The following PNLIPRP1 variants were observed in gnomAD, a reference collection of about 807,000 sequenced individuals.
PNLIPRP1 encodes pancreatic lipase related protein 1.
PNLIPRP1 carries 57 observed loss-of-function variants against 54.6 expected under a neutral mutation model. The observed-to-expected ratio is 1.04, with a 90% confidence interval of 0.84 to 1.30. PNLIPRP1 has a LOEUF of 1.30. Among genes scored for constraint, PNLIPRP1 ranks in the 50% most tolerant of loss-of-function variants. PNLIPRP1 has a pLI of 0.00. For synonymous variants in PNLIPRP1, 232 were observed against 208.8 expected, an observed-to-expected ratio of 1.11 and a Z score of -0.96; for missense variants, 567 against 568.5, an observed-to-expected ratio of 1.00 and a Z score of 0.03.
At chr10:116,601,254 T>C in intron 10 of PNLIPRP1, 53 bp downstream of exon 10, 1 of 1,525,472 alleles carries the variant, frequency 6.6e-7, no homozygotes, top group Non-Finnish European at 8.9e-7. Flanking sequence ...TAGTTTCTGT[T>C]ACAAATGAGG....
chr10:116,604,625 TCTG>T (rs1249521102), intron 11 of PNLIPRP1, among the ~76,000 whole-genome samples: 5 of 152,084 alleles, frequency 3.3e-5, no homozygotes, highest in African/African-American at 1.2e-4. Context: ...ATTGCAGACT[TCTG>T]CTAATAATTT....
chr10:116,601,087 T>C lies in PNLIPRP1; in HGVS notation c.949T>C (p.Cys317Arg). 1 of 1,613,224 alleles carries C rather than the reference T, an allele frequency of 6.2e-7. No homozygotes were observed. The highest frequency in any genetic ancestry group is 1.3e-5 in the African/African-American group (1 of 74,998). Residue 317 changes from cysteine (C) to arginine (R), a missense_variant, in exon 10 of 13, where the codon TGT (cysteine) becomes CGT (arginine). By Grantham distance (180) the Cys-to-Arg change is radical. Transcript: ENST00000358834. Reference protein sequence around the residue: ...KSFESDKCFPCPDQGCPQMGH... With the variant: ...KSFESDKCFPRPDQGCPQMGH... ...TTCTCATTAGGACAAGTGCTTCCCG[T>C]GTCCAGATCAAGGATGCCCACAGAT...
chr10:116,591,277 C>A (rs1449323596), intron 2 of PNLIPRP1, 99 bp downstream of exon 2: 1 of 880,612 alleles, frequency 1.1e-6, no homozygotes, highest in African/African-American at 1.6e-5. Context: ...CCAGCAGCTC[C>A]AGGGTACCAG....
chr10:116,604,014 T>G lies in PNLIPRP1; in HGVS notation c.1064-16T>G. The G allele has an allele frequency of 6.5e-7, 1 of 1,532,438 alleles. No individual in the cohort carries two copies. The highest frequency in any genetic ancestry group is 9.0e-7 in the Non-Finnish European group (1 of 1,109,156). 94.9% of individuals were successfully genotyped at this position (1,532,438 alleles called of 1,614,324 possible). A position where few individuals can be genotyped will look rare whatever the true frequency, so the allele number is the denominator to read the frequency against. Reference sequence around the variant, plus strand: ...TTTGTGTGTGAATAAATTGAACTCTTCCATCTCCTGTGCAGGCTGGAGATA... The same window carrying G: ...TTTGTGTGTGAATAAATTGAACTCTGCCATCTCCTGTGCAGGCTGGAGATA... On this transcript the variant is annotated splice_polypyrimidine_tract_variant and intron_variant, in intron 10 of 12. Coordinates refer to ENST00000358834, the MANE Select transcript of PNLIPRP1 (RefSeq NM_006229.4).
chr10:116,606,367 G>A (rs1056100717), intron 12 of PNLIPRP1, among the ~76,000 whole-genome samples: 3 of 152,186 alleles, frequency 2.0e-5, no homozygotes, highest in Admixed American at 6.5e-5. Context: ...GAGGCAAGGA[G>A]AACAAAGAGG....
chr10:116,591,787 T>C lies in PNLIPRP1; in HGVS notation c.66T>C (p.Tyr22=), dbSNP rs1847641975. Residue 22 remains tyrosine, a synonymous_variant, in exon 3 of 13, where the codon TAT becomes TAC. Coordinates refer to ENST00000358834, the MANE Select transcript of PNLIPRP1 (RefSeq NM_006229.4). ...TCTCTGTAGGAAAAGAAGTTTGCTATGAGGACCTCGGGTGCTTTTCTGACA... is the reference window on the plus strand; with the variant it reads ...TCTCTGTAGGAAAAGAAGTTTGCTACGAGGACCTCGGGTGCTTTTCTGACA... ...LGAAKGKEVC[Y]EDLGCFSDTE... 1 of 1,614,068 alleles carries C rather than the reference T, an allele frequency of 6.2e-7. No individual in the cohort carries two copies. The highest frequency in any genetic ancestry group is 8.5e-7 in the Non-Finnish European group (1 of 1,180,038).
In PNLIPRP1 at chr10:116,600,033, A is replaced by G; in HGVS notation, c.815-14A>G. On this transcript the variant is annotated splice_polypyrimidine_tract_variant and intron_variant, in intron 8 of 12. Coordinates refer to ENST00000358834, the MANE Select transcript of PNLIPRP1 (RefSeq NM_006229.4). ...CCCAACCACCTGTTCAGGTCTCCTT[A>G]TTTGTTTTCCCAGGAACCCGGGACT... 6.3e-7 allele frequency: 1 copy of G among 1,582,626 alleles called. No individual in the cohort carries two copies. Among genetic ancestry groups the G allele is most frequent in the Non-Finnish European group, 8.7e-7 (1 of 1,151,434 alleles).
rs782107666 is a variant in PNLIPRP1, at chr10:116,600,117, C to T, written c.885C>T (p.Pro295=). 23 of 1,613,764 alleles carry T rather than the reference C, an allele frequency of 1.4e-5. 1 individual carries two copies. The highest frequency in any genetic ancestry group is 3.3e-5 in the South Asian group (3 of 91,066). Residue 295 remains proline, a synonymous_variant, in exon 9 of 13, where the codon CCC becomes CCT. Transcript: ENST00000358834. The part of the protein sequence containing the change: ...YKYYLESILN[P]DGFAAYPCTS... ...ATTACTTGGAAAGCATCCTCAATCC[C>T]GATGGGTTTGCTGCATATCCCTGCA...
chr10:116,609,022 A>C, intron 12 of PNLIPRP1, 31 bp from the exon 13 acceptor site: 1 of 1,567,866 alleles, frequency 6.4e-7, no homozygotes, highest in Non-Finnish European at 8.8e-7. Context: ...AAGGTGACCC[A>C]AACTCTTACA....
chr10:116,606,306 A>G (rs1847936578), intron 12 of PNLIPRP1, among the ~76,000 whole-genome samples: 1 of 152,252 alleles, frequency 6.6e-6, no homozygotes, highest in South Asian at 2.1e-4. Context: ...CTGACTCCAC[A>G]TCTGGGTCTC....
intron 4 of PNLIPRP1, 175 bp downstream of exon 4, chr10:116,592,716 C>T: frequency 1.3e-6 from 1 of 762,324 alleles, no homozygotes; most frequent in Non-Finnish European, 2.2e-6. Context: ...CATCTGCACA[C>T]TGAAGCAACC....
rs781957848 is a variant in PNLIPRP1, at chr10:116,609,106, C to G, written c.1394C>G (p.Thr465Arg). ...CGGGAAGACACGCTGCTCACCCTCA[C>G]GCCCTGCTAAGCTCCCGGGGCGACG... ...TVREDTLLTLTPC is the reference protein window; with the variant it reads ...TVREDTLLTLRPC The change falls in exon 13 of 13, where the codon ACG becomes AGG. Residue 465 changes from threonine to arginine, a missense_variant. Transcript: ENST00000358834. The G allele has an allele frequency of 1.2e-6, 2 of 1,610,774 alleles. No homozygotes were observed. The highest frequency in any genetic ancestry group is 2.2e-5 in the East Asian group (1 of 44,834).
At position 116,594,761 on chromosome 10, in the gene PNLIPRP1, T is replaced by A. The variant is rs888744752; in HGVS notation, c.362T>A (p.Ile121Asn). Residue 121 changes from isoleucine to asparagine, a missense_variant, in exon 5 of 13, where the codon ATC (isoleucine) becomes AAC (asparagine). Physicochemically the swap from Ile to Asn is moderately radical, Grantham distance 149 (BLOSUM62 -3). Coordinates refer to ENST00000358834, the MANE Select transcript of PNLIPRP1 (RefSeq NM_006229.4). Reference protein sequence around the residue: ...KLFEVEEVNCICVDWKKGSQA... With the variant: ...KLFEVEEVNCNCVDWKKGSQA... ...TTCGAGGTGGAGGAGGTGAACTGCA[T>A]CTGCGTGGACTGGAAGAAGGGCTCC... The A allele has an allele frequency of 6.2e-6, 10 of 1,614,022 alleles. No homozygotes were observed. In the Admixed American group the frequency reaches 6.7e-5, roughly 11 times the overall value.
intron 3 of PNLIPRP1, 154 bp from the exon 4 acceptor site, chr10:116,592,262 G>A (rs1182015378): frequency 2.5e-6 from 2 of 809,474 alleles, no homozygotes; most frequent in East Asian, 2.6e-5. Flanking sequence ...GAGAGATGGG[G>A]CAAGAAAAGG....
intron 2 of PNLIPRP1, among the ~76,000 whole-genome samples, chr10:116,591,443 C>T (rs1847634255): frequency 6.6e-6 from 1 of 152,214 alleles, no homozygotes; most frequent in South Asian, 2.1e-4. Context: ...CCTGAGTTAA[C>T]ATATTGACTT....
At position 116,594,821 on chromosome 10, in the gene PNLIPRP1, G is replaced by C. The variant is rs1554863726; in HGVS notation, c.422G>C (p.Arg141Pro). Reference protein sequence around the residue: ...ATYTQAANNVRVVGAQVAQML... With the variant: ...ATYTQAANNVPVVGAQVAQML... ...TACACACAGGCTGCCAACAACGTGC[G>C]AGTGGTGGGCGCCCAGGTGGCCCAG... The change falls in exon 5 of 13, where the codon CGA becomes CCA. Residue 141 changes from arginine (R) to proline (P), a missense_variant. By Grantham distance (103) the Arg-to-Pro change is moderately radical. Transcript: ENST00000358834. 5 of 1,614,150 alleles carry C rather than the reference G, an allele frequency of 3.1e-6. No individual in the cohort carries two copies. In the East Asian group the frequency reaches 8.9e-5, roughly 29 times the overall value.
At chr10:116,591,654 T>G in intron 2 of PNLIPRP1, 117 bp from the exon 3 acceptor site, 1 of 1,025,526 alleles carries the variant, frequency 9.8e-7, no homozygotes. Flanking sequence ...TGCAGTAGGT[T>G]CATCCATTGT....
intron 12 of PNLIPRP1, among the ~76,000 whole-genome samples, chr10:116,607,556 TG>T (rs1344537237): frequency 1.3e-5 from 2 of 151,920 alleles, no homozygotes; most frequent in Non-Finnish European, 1.5e-5. Context: ...CAGGTCCAAG[TG>T]CATGAGGGGC....
chr10:116,607,886 G>A (rs1189195358), intron 12 of PNLIPRP1, among the ~76,000 whole-genome samples: 2 of 152,138 alleles, frequency 1.3e-5, no homozygotes, highest in East Asian at 1.9e-4. Flanking sequence ...ATGGAATCTC[G>A]CTCTGTTGCC....
Sources: allele counts gnomAD v4.1 joint callset (sites outside exome capture counted in the v4.1 genomes callset), GRCh38; gene constraint gnomAD v4.1.1; transcripts MANE v1.5; gene names NCBI Gene and HGNC (gene_info 2026-07-23, HGNC 2026-07-21).